ZHX2: variants seen among roughly 807,000 people sequenced by gnomAD.
ZHX2 encodes zinc fingers and homeoboxes 2, also known as zinc fingers and homeoboxes protein 2.
Under a neutral mutation model 21.9 loss-of-function variants are expected in ZHX2, and 6 were observed. That is an observed-to-expected ratio of 0.27 (90% CI 0.15 to 0.54). The LOEUF (loss-of-function observed/expected upper bound fraction) is 0.54, where lower values mean the gene tolerates loss of function less well. Ranked by LOEUF, ZHX2 falls within the 20% of genes least tolerant of loss-of-function variation. ZHX2 has a pLI of 0.95. For missense variants in ZHX2, 908 were observed against 1,090.7 expected, an observed-to-expected ratio of 0.83 and a Z score of 2.36; for synonymous variants, 434 against 437.1, an observed-to-expected ratio of 0.99 and a Z score of 0.09.
intron 3 of ZHX2, among the ~76,000 whole-genome samples, chr8:122,971,611 CAAAA>C (rs56331425): frequency 2.3e-4 from 19 of 81,792 alleles, no homozygotes; most frequent in South Asian, 5.0e-4. Flanking sequence ...GGCCCCTGTA[CAAAA>C]AAAAAAAAAA....
intron 1 of ZHX2, among the ~76,000 whole-genome samples, chr8:122,860,981 C>T (rs57340087): frequency 6.9e-6 from 1 of 144,768 alleles, no homozygotes; most frequent in Non-Finnish European, 1.5e-5. Flanking sequence ...TGCAGTGAGC[C>T]GAGATCATGC....
chr8:122,861,238 A>T (rs1434572300), intron 1 of ZHX2, among the ~76,000 whole-genome samples: 1 of 152,114 alleles, frequency 6.6e-6, no homozygotes, highest in Non-Finnish European at 1.5e-5. Context: ...TGTGTCAGGG[A>T]TCTTTGCATC....
intron 2 of ZHX2, among the ~76,000 whole-genome samples, chr8:122,877,052 G>A (rs532729004): frequency 6.6e-6 from 1 of 152,232 alleles, no homozygotes; most frequent in South Asian, 2.1e-4. Flanking sequence ...GGACACATCC[G>A]AGATCCCCAA....
intron 2 of ZHX2, among the ~76,000 whole-genome samples, chr8:122,928,401 C>G (rs1411861982): frequency 6.6e-6 from 1 of 152,094 alleles, no homozygotes; most frequent in African/African-American, 2.4e-5. Flanking sequence ...TTCAAAGATC[C>G]TGTGGCTTAG....
rs113687018 is a variant in ZHX2, at chr8:122,895,484, T to C, written c.-220+31945T>C. ...CTGAAGTTTTAGCAATGAATTTCTA[T>C]AAGCCCTTTTAAAATTGGAATTCAT... On this transcript the variant is annotated intron_variant, in intron 2 of 3. Coordinates refer to ENST00000314393, the MANE Select transcript of ZHX2 (RefSeq NM_014943.5). Among the ~76,000 whole-genome samples, 6 of 152,336 alleles carry C rather than the reference T, an allele frequency of 3.9e-5. 1 individual carries two copies. Among genetic ancestry groups the C allele is most frequent in the African/African-American group, 1.2e-4 (5 of 41,572 alleles).
At chr8:122,804,155 C>CTGCA (rs1172683199) in intron 1 of ZHX2, among the ~76,000 whole-genome samples, 3 of 152,186 alleles carry the variant, frequency 2.0e-5, no homozygotes, top group Non-Finnish European at 4.4e-5. Context: ...GTCACCCAGG[C>CTGCA]TGCAGTGCAG....
intron 1 of ZHX2, among the ~76,000 whole-genome samples, chr8:122,790,977 G>T (rs1301771769): frequency 6.6e-6 from 1 of 152,202 alleles, no homozygotes; most frequent in African/African-American, 2.4e-5. Context: ...CTTTATCCAA[G>T]AATTCTGGAA....
chr8:122,884,587 G>A (rs1009599654), intron 2 of ZHX2, among the ~76,000 whole-genome samples: 1 of 152,208 alleles, frequency 6.6e-6, no homozygotes, highest in Non-Finnish European at 1.5e-5. Context: ...GGTCAATCAG[G>A]TAGAACCTGA....
intron 2 of ZHX2, among the ~76,000 whole-genome samples, chr8:122,917,110 C>T (rs1040397345): frequency 5.3e-5 from 8 of 152,148 alleles, no homozygotes; most frequent in Non-Finnish European, 1.2e-4. Context: ...TTATGACCTG[C>T]GTTTCTCAGG....
chr8:122,882,314 C>CAGAGAGAG (rs140529887), intron 2 of ZHX2, among the ~76,000 whole-genome samples: 1 of 148,176 alleles, frequency 6.7e-6, no homozygotes, highest in African/African-American at 2.5e-5. Flanking sequence ...CACACACACA[C>CAGAGAGAG]AGAGAGAGAG....
intron 2 of ZHX2, among the ~76,000 whole-genome samples, chr8:122,905,494 A>G (rs181328302): frequency 6.6e-6 from 1 of 152,376 alleles, no homozygotes; most frequent in East Asian, 1.9e-4. Context: ...ATTTTTAGCC[A>G]ACAGCTCTGC....
chr8:122,908,112 C>T lies in ZHX2; in HGVS notation c.-219-43180C>T, dbSNP rs146665763. On this transcript the variant is annotated intron_variant, in intron 2 of 3. Transcript: ENST00000314393. ...GAAATTGGAATGACAATCCTCGCCC[C>T]GCCCAACCCAAAATCTCACAAGGCT... Among the ~76,000 whole-genome samples, 665 of 152,268 alleles carry T rather than the reference C, an allele frequency of 4.4e-3. 3 individuals are homozygous for T. The highest frequency in any genetic ancestry group is 6.2e-3 in the Non-Finnish European group (420 of 68,024).
At chr8:122,945,897 G>T (rs1409432503) in intron 2 of ZHX2, among the ~76,000 whole-genome samples, 2 of 152,156 alleles carry the variant, frequency 1.3e-5, no homozygotes, top group Non-Finnish European at 2.9e-5. Context: ...GTGATGACTG[G>T]CTGGAGTCTC....
intron 3 of ZHX2, among the ~76,000 whole-genome samples, chr8:122,971,827 G>A (rs1464785097): frequency 6.6e-6 from 1 of 152,076 alleles, no homozygotes; most frequent in Non-Finnish European, 1.5e-5. Flanking sequence ...CAAAAGTAAT[G>A]ATGGAGACCT....
intron 2 of ZHX2, among the ~76,000 whole-genome samples, chr8:122,918,380 G>A (rs1820655100): frequency 1.3e-5 from 2 of 152,176 alleles, no homozygotes; most frequent in Admixed American, 1.3e-4. Context: ...TTGCTTCCCA[G>A]AAAACGAGAA....
chr8:122,803,212 G>T (rs1817754933), intron 1 of ZHX2, among the ~76,000 whole-genome samples: 1 of 152,074 alleles, frequency 6.6e-6, no homozygotes, highest in African/African-American at 2.4e-5. Context: ...CTAAAAAACA[G>T]CCCCCACTGA....
intron 2 of ZHX2, among the ~76,000 whole-genome samples, chr8:122,875,933 G>T (rs907738157): frequency 5.9e-5 from 9 of 152,106 alleles, no homozygotes; most frequent in African/African-American, 2.2e-4. Context: ...ACTGTAAAAG[G>T]GCAACTGAAA....
chr8:122,871,456 T>C (rs1355581964), intron 2 of ZHX2, among the ~76,000 whole-genome samples: 3 of 143,772 alleles, frequency 2.1e-5, no homozygotes, highest in Admixed American at 1.5e-4. Flanking sequence ...CATGTTCTCA[T>C]TCATAGGTGG....
chr8:122,881,557 A>T (rs1819714117), intron 2 of ZHX2, among the ~76,000 whole-genome samples: 1 of 152,224 alleles, frequency 6.6e-6, no homozygotes, highest in Admixed American at 6.5e-5. Flanking sequence ...GGTAAATATT[A>T]CCTATTTAAC....
Sources: allele counts gnomAD v4.1 joint callset (sites outside exome capture counted in the v4.1 genomes callset), GRCh38; gene constraint gnomAD v4.1.1; transcripts MANE v1.5; gene names NCBI Gene and HGNC (gene_info 2026-07-23, HGNC 2026-07-21).